NPAS3: variants seen among roughly 807,000 people sequenced by gnomAD.
The protein encoded by NPAS3 is neuronal PAS domain protein 3, also known as neuronal PAS domain-containing protein 3.
Under a neutral mutation model 73.1 loss-of-function variants are expected in NPAS3, and 14 were observed. The ratio of observed to expected loss-of-function variants is 0.19; its 90% CI spans 0.13 to 0.30. NPAS3 has a LOEUF of 0.30. Ranked by LOEUF, NPAS3 falls within the 10% of genes least tolerant of loss-of-function variation. The pLI is 1.00. For synonymous variants in NPAS3, 620 were observed against 541.5 expected, an observed-to-expected ratio of 1.14 and a Z score of -2.01; for missense variants, 1,096 against 1,250.0, an observed-to-expected ratio of 0.88 and a Z score of 1.86.
intron 4 of NPAS3, among the ~76,000 whole-genome samples, chr14:33,424,635 G>A (rs1332155196): frequency 1.3e-5 from 2 of 151,880 alleles, no homozygotes; most frequent in East Asian, 3.9e-4. Flanking sequence ...TAAAGGATAA[G>A]AAGGAGTGAT....
At chr14:33,059,030 C>T (rs1369381094) in intron 2 of NPAS3, among the ~76,000 whole-genome samples, 1 of 152,190 alleles carries the variant, frequency 6.6e-6, no homozygotes, top group Non-Finnish European at 1.5e-5. Context: ...CAATTGTATG[C>T]ACCTCTTTCT....
At chr14:33,143,438 C>G (rs1595540341) in intron 2 of NPAS3, among the ~76,000 whole-genome samples, 1 of 152,122 alleles carries the variant, frequency 6.6e-6, no homozygotes, top group East Asian at 1.9e-4. Context: ...TTGAGGTGAG[C>G]CGAGATTGCG....
intron 1 of NPAS3, among the ~76,000 whole-genome samples, chr14:33,054,080 A>G (rs903115970): frequency 3.9e-5 from 6 of 152,208 alleles, no homozygotes; most frequent in Non-Finnish European, 5.9e-5. Flanking sequence ...TCACATGCTC[A>G]AAACAACTTC....
intron 5 of NPAS3, among the ~76,000 whole-genome samples, chr14:33,657,785 TA>T (rs2059188423): frequency 8.8e-6 from 1 of 113,748 alleles, no homozygotes; most frequent in African/African-American, 3.4e-5. Flanking sequence ...TTATGCAGAT[TA>T]TGTAAAAAAA....
chr14:33,759,515 A>G (rs1958052), intron 7 of NPAS3, among the ~76,000 whole-genome samples: 57,017 of 152,172 alleles, frequency 0.37, 14,970 homozygotes, highest in African/African-American at 0.75. Flanking sequence ...ACACAGTGCT[A>G]TGTATACTTT....
At chr14:33,289,339 A>G (rs957393953) in intron 3 of NPAS3, among the ~76,000 whole-genome samples, 1 of 152,132 alleles carries the variant, frequency 6.6e-6, no homozygotes, top group Non-Finnish European at 1.5e-5. Context: ...GCGTGTGTGT[A>G]TGTGGTATCA....
intron 4 of NPAS3, among the ~76,000 whole-genome samples, chr14:33,516,047 C>T (rs1172097753): frequency 1.3e-5 from 2 of 151,964 alleles, no homozygotes; most frequent in Non-Finnish European, 2.9e-5. Context: ...CATGCACACA[C>T]TCTTAACCCT....
intron 4 of NPAS3, among the ~76,000 whole-genome samples, chr14:33,518,441 C>A (rs1191059892): frequency 2.6e-5 from 4 of 151,934 alleles, no homozygotes; most frequent in African/African-American, 9.7e-5. Flanking sequence ...CCTGACTTAC[C>A]CTCATTGTTC....
chr14:32,955,063 TTG>T (rs772897786), intron 1 of NPAS3, among the ~76,000 whole-genome samples: 8 of 152,140 alleles, frequency 5.3e-5, no homozygotes, highest in Non-Finnish European at 1.5e-5. Flanking sequence ...AGTCACACTT[TTG>T]TATGTACCAT....
intron 6 of NPAS3, among the ~76,000 whole-genome samples, chr14:33,710,569 A>G (rs2060789938): frequency 6.6e-6 from 1 of 152,178 alleles, no homozygotes; most frequent in Non-Finnish European, 1.5e-5. Context: ...CGAATGGCTC[A>G]GTCTCATCAG....
At chr14:33,470,837 C>T (rs1176830677) in intron 4 of NPAS3, among the ~76,000 whole-genome samples, 1 of 151,498 alleles carries the variant, frequency 6.6e-6, no homozygotes, top group Non-Finnish European at 1.5e-5. Context: ...GTGACCATTT[C>T]AGAGATATTC....
In NPAS3 at chr14:33,478,888, CT is replaced by C. The variant is rs529170004; in HGVS notation, c.469-81230del. On this transcript the variant is annotated intron_variant, in intron 4 of 11. Coordinates refer to ENST00000356141, the Ensembl canonical transcript of NPAS3. ...CTTAATCTCATGGCCTTGAATTTGCCTTTAACTCTCTGGCTGCCAATCTCAT... is the reference window on the plus strand; with the variant it reads ...CTTAATCTCATGGCCTTGAATTTGCCTTAACTCTCTGGCTGCCAATCTCAT... Among the ~76,000 whole-genome samples the C allele has an allele frequency of 5.3e-5, 8 of 152,266 alleles. No homozygotes were observed. The South Asian group carries it at 1.7e-3, about 32-fold the overall frequency.
intron 5 of NPAS3, among the ~76,000 whole-genome samples, chr14:33,563,535 C>CAGAGAGAGAG (rs1276549335): frequency 9.3e-6 from 1 of 108,014 alleles, no homozygotes; most frequent in East Asian, 2.2e-4. Flanking sequence ...CACACACACA[C>CAGAGAGAGAG]ACAGAGAGAG....
At chr14:33,541,719 C>T (rs2054529177) in intron 4 of NPAS3, among the ~76,000 whole-genome samples, 1 of 152,200 alleles carries the variant, frequency 6.6e-6, no homozygotes, top group Admixed American at 6.5e-5. Flanking sequence ...TCTGTACAAA[C>T]ACCAGGAGTT....
chr14:33,326,755 C>G (rs754264443), intron 3 of NPAS3, among the ~76,000 whole-genome samples: 1 of 152,176 alleles, frequency 6.6e-6, no homozygotes, highest in Non-Finnish European at 1.5e-5. Context: ...TCTTGCACCA[C>G]CACAAGAGTT....
At chr14:33,394,806 A>G (rs2043501154) in intron 4 of NPAS3, among the ~76,000 whole-genome samples, 2 of 152,216 alleles carry the variant, frequency 1.3e-5, no homozygotes, top group Admixed American at 6.5e-5. Flanking sequence ...GAGATCGATC[A>G]GGTTGATAAG....
chr14:33,326,129 C>T (rs921773243), intron 3 of NPAS3, among the ~76,000 whole-genome samples: 8 of 151,874 alleles, frequency 5.3e-5, no homozygotes, highest in African/African-American at 1.9e-4. Flanking sequence ...ATGGTGTGTA[C>T]ACCATCATAC....
intron 1 of NPAS3, among the ~76,000 whole-genome samples, chr14:33,053,516 T>C (rs2040782663): frequency 6.6e-6 from 1 of 152,192 alleles, no homozygotes; most frequent in South Asian, 2.1e-4. Context: ...AGTTTCACGA[T>C]TGAAAGGCAT....
At chr14:32,977,933 G>A (rs1371265369) in intron 1 of NPAS3, among the ~76,000 whole-genome samples, 3 of 152,100 alleles carry the variant, frequency 2.0e-5, no homozygotes, top group East Asian at 1.9e-4. Context: ...ATTTGAAGAG[G>A]ACCGGCAAAG....
Sources: gnomAD v4.1 joint callset for allele counts (sites outside exome capture counted in the v4.1 genomes callset) on GRCh38, gnomAD v4.1.1 for gene constraint, MANE v1.5 for transcripts, NCBI Gene and HGNC (gene_info 2026-07-23, HGNC 2026-07-21) for gene names.